GPATCH2: variants seen among roughly 807,000 people sequenced by gnomAD.
GPATCH2 encodes G-patch domain containing 2, also known as G patch domain-containing protein 2.
In GPATCH2, 51 loss-of-function variants were observed where a neutral mutation model predicts 58.0. The observed-to-expected ratio is 0.88, with a 90% CI of 0.70 to 1.11. The LOEUF (loss-of-function observed/expected upper bound fraction) is 1.11, where lower values mean the gene tolerates loss of function less well. GPATCH2 is among the 50% of genes most tolerant of loss of function. The pLI is 0.00. For synonymous variants in GPATCH2, 222 were observed against 218.5 expected, an observed-to-expected ratio of 1.02 and a Z score of -0.14; for missense variants, 625 against 652.2, an observed-to-expected ratio of 0.96 and a Z score of 0.45.
intron 3 of GPATCH2, among the ~76,000 whole-genome samples, chr1:217,612,034 G>A (rs1036702663): frequency 1.3e-5 from 2 of 151,990 alleles, no homozygotes; most frequent in African/African-American, 4.8e-5. Context: ...TTAAAAATTA[G>A]CCGGGCATGA....
At chr1:217,467,498 A>G (rs945106728) in intron 8 of GPATCH2, among the ~76,000 whole-genome samples, 3 of 152,188 alleles carry the variant, frequency 2.0e-5, no homozygotes, top group Non-Finnish European at 4.4e-5. Context: ...TGATTATTTT[A>G]CTGGTAGTGA....
chr1:217,456,027 C>A (rs905110559), intron 8 of GPATCH2, among the ~76,000 whole-genome samples: 4 of 152,020 alleles, frequency 2.6e-5, no homozygotes, highest in Non-Finnish European at 4.4e-5. Flanking sequence ...GTCCCCTTCC[C>A]AGCTCCCCAT....
intron 9 of GPATCH2, among the ~76,000 whole-genome samples, chr1:217,448,240 G>A (rs983989619): frequency 9.2e-5 from 14 of 151,896 alleles, no homozygotes; most frequent in African/African-American, 3.4e-4. Flanking sequence ...CTGTTGATAG[G>A]AATCTTATTT....
chr1:217,440,156 T>C (rs1456380381), intron 9 of GPATCH2, among the ~76,000 whole-genome samples: 1 of 152,192 alleles, frequency 6.6e-6, no homozygotes, highest in Non-Finnish European at 1.5e-5. Flanking sequence ...TCAAAAAGTT[T>C]ATCCAACATG....
intron 8 of GPATCH2, among the ~76,000 whole-genome samples, chr1:217,463,322 C>T (rs112584819): frequency 1.3e-5 from 2 of 152,046 alleles, no homozygotes; most frequent in African/African-American, 2.4e-5. Context: ...CTTTTTCATG[C>T]GTCTTAAAAT....
chr1:217,613,550 C>T (rs1668737012), intron 3 of GPATCH2, among the ~76,000 whole-genome samples: 1 of 152,144 alleles, frequency 6.6e-6, no homozygotes, highest in South Asian at 2.1e-4. Context: ...ATTAATCCTG[C>T]TCCCTTATTA....
chr1:217,602,451 T>C (rs928025230), intron 5 of GPATCH2, among the ~76,000 whole-genome samples: 1 of 152,194 alleles, frequency 6.6e-6, no homozygotes, highest in Non-Finnish European at 1.5e-5. Context: ...TTAAAAGGCT[T>C]TCCCAGAGTT....
At chr1:217,511,652 C>A (rs1181361070) in intron 6 of GPATCH2, among the ~76,000 whole-genome samples, 2 of 152,102 alleles carry the variant, frequency 1.3e-5, no homozygotes, top group Non-Finnish European at 2.9e-5. Flanking sequence ...GGATACTGGC[C>A]ATATACCTTC....
At chr1:217,602,917 T>G (rs1571635498) in intron 5 of GPATCH2, among the ~76,000 whole-genome samples, 1 of 152,150 alleles carries the variant, frequency 6.6e-6, no homozygotes, top group African/African-American at 2.4e-5. Context: ...TGAAGAGAAT[T>G]TATTTATATT....
intron 8 of GPATCH2, among the ~76,000 whole-genome samples, chr1:217,473,280 AGT>A (rs71166009): frequency 0.49 from 69,521 of 141,940 alleles, 16,447 homozygotes; most frequent in Admixed American, 0.59. Context: ...GGTTTAGTTC[AGT>A]GTGTGTGTGT....
intron 5 of GPATCH2, among the ~76,000 whole-genome samples, chr1:217,568,528 G>A (rs1163802636): frequency 1.3e-5 from 2 of 152,176 alleles, no homozygotes; most frequent in Non-Finnish European, 2.9e-5. Flanking sequence ...GGGGGTTACA[G>A]TTTTTAAATA....
chr1:217,542,930 T>G (rs1182465887), intron 5 of GPATCH2, among the ~76,000 whole-genome samples: 4 of 151,944 alleles, frequency 2.6e-5, no homozygotes, highest in Non-Finnish European at 5.9e-5. Flanking sequence ...AGAAAGGCAG[T>G]CAGCTGCAGC....
chr1:217,441,913 C>T (rs750696340), intron 9 of GPATCH2, among the ~76,000 whole-genome samples: 2 of 152,104 alleles, frequency 1.3e-5, no homozygotes, highest in Admixed American at 1.3e-4. Flanking sequence ...ATTAGTTCAA[C>T]CATTGTGGAA....
chr1:217,597,768 T>G (rs1046191215), intron 5 of GPATCH2, among the ~76,000 whole-genome samples: 1 of 152,168 alleles, frequency 6.6e-6, no homozygotes, highest in Non-Finnish European at 1.5e-5. Flanking sequence ...ACAAGAATGT[T>G]GGCTAGTGGA....
At chr1:217,492,088 A>G (rs1661773316) in intron 7 of GPATCH2, among the ~76,000 whole-genome samples, 1 of 152,142 alleles carries the variant, frequency 6.6e-6, no homozygotes, top group Admixed American at 6.5e-5. Context: ...CCTAGAACTC[A>G]GTTCTTTTTT....
chr1:217,464,540 G>C (rs964211298), intron 8 of GPATCH2, among the ~76,000 whole-genome samples: 2 of 152,124 alleles, frequency 1.3e-5, no homozygotes, highest in Admixed American at 1.3e-4. Flanking sequence ...GAATTAGTTG[G>C]ATCATATAAA....
At chr1:217,532,833 A>G (rs1664258334) in intron 5 of GPATCH2, among the ~76,000 whole-genome samples, 1 of 151,916 alleles carries the variant, frequency 6.6e-6, no homozygotes, top group South Asian at 2.1e-4. Flanking sequence ...AGAGAACAGA[A>G]GAGGGTCCCA....
chr1:217,529,353 T>C (rs1173120179), intron 5 of GPATCH2, among the ~76,000 whole-genome samples: 1 of 152,148 alleles, frequency 6.6e-6, no homozygotes, highest in East Asian at 1.9e-4. Flanking sequence ...ATTTGGGTCA[T>C]GGGATCCCTC....
chr1:217,626,930 T>A (rs1669493106), intron 1 of GPATCH2, among the ~76,000 whole-genome samples: 1 of 151,932 alleles, frequency 6.6e-6, no homozygotes, highest in Admixed American at 6.6e-5. Context: ...TGTAAATGAT[T>A]AATTACAACT....
Sources: gnomAD v4.1 joint callset for allele counts (sites outside exome capture counted in the v4.1 genomes callset) on GRCh38, gnomAD v4.1.1 for gene constraint, MANE v1.5 for transcripts, NCBI Gene and HGNC (gene_info 2026-07-23, HGNC 2026-07-21) for gene names.